XPOT: variants seen among roughly 807,000 people sequenced by gnomAD.
XPOT encodes exportin-T.
In XPOT, 34 loss-of-function variants were observed where a neutral mutation model predicts 128.2. The observed-to-expected ratio is 0.27, with a 90% confidence interval of 0.20 to 0.35. The LOEUF (loss-of-function observed/expected upper bound fraction) is 0.35, where lower values mean the gene tolerates loss of function less well. Ranked by LOEUF, XPOT falls within the 10% of genes least tolerant of loss-of-function variation. The pLI, the probability that XPOT is intolerant of heterozygous loss-of-function variation, is 1.00. For missense variants in XPOT, 838 were observed against 1,125.3 expected, an observed-to-expected ratio of 0.74 and a Z score of 3.65; for synonymous variants, 348 against 394.3, an observed-to-expected ratio of 0.88 and a Z score of 1.39.
chr12:64,423,163 T>C lies in XPOT; in HGVS notation c.1120-19T>C. 6.2e-7 allele frequency: 1 copy of C among 1,600,026 alleles called. No individual in the cohort carries two copies. The highest frequency in any genetic ancestry group is 1.1e-5 in the South Asian group (1 of 87,730). On this transcript the variant is annotated intron_variant, in intron 10 of 24. Coordinates refer to ENST00000332707, the MANE Select transcript of XPOT (RefSeq NM_007235.6). ...AAGGAGACTGACAAAAACTCTTTTA[T>C]TCTCAATTTTATTCTTAGGCAATCA... is the stretch of plus-strand genomic sequence containing the variant.
At chr12:64,421,874 G>A (rs766160865) in intron 9 of XPOT, among the ~76,000 whole-genome samples, 10 of 151,930 alleles carry the variant, frequency 6.6e-5, no homozygotes, top group Admixed American at 2.6e-4. Flanking sequence ...GTGCAATGGC[G>A]TGATGTCAGC....
chr12:64,444,577 C>T (rs1392290921), intron 23 of XPOT, among the ~76,000 whole-genome samples: 2 of 152,054 alleles, frequency 1.3e-5, no homozygotes, highest in Non-Finnish European at 2.9e-5. Context: ...TCTATGATTC[C>T]ATTTGTTTGA....
intron 1 of XPOT, chr12:64,405,118 G>A (rs1940461836): frequency 6.6e-6 from 1 of 152,274 alleles, no homozygotes; most frequent in African/African-American, 2.4e-5. Flanking sequence ...GCAGAGGAGG[G>A]TCGGCATCGC....
chr12:64,408,959 C>A (rs2040009779), intron 1 of XPOT, among the ~76,000 whole-genome samples: 1 of 152,154 alleles, frequency 6.6e-6, no homozygotes, highest in Non-Finnish European at 1.5e-5. Flanking sequence ...CGGTGTGAGC[C>A]ACTGTAGCTG....
intron 19 of XPOT, among the ~76,000 whole-genome samples, chr12:64,434,262 C>T (rs949413442): frequency 3.9e-5 from 6 of 152,118 alleles, no homozygotes; most frequent in Non-Finnish European, 8.8e-5. Context: ...TTACAAAGGG[C>T]TGGAATTACA....
chr12:64,425,276 T>C, intron 13 of XPOT, 62 bp from the exon 14 acceptor site: 1 of 1,610,068 alleles, frequency 6.2e-7, no homozygotes, highest in Non-Finnish European at 8.5e-7. Flanking sequence ...TATATGTTAA[T>C]ACCGGGGCAT....
chr12:64,427,954 G>T, intron 15 of XPOT, 97 bp from the exon 16 acceptor site: 1 of 791,814 alleles, frequency 1.3e-6, no homozygotes. Flanking sequence ...GCCTACAACT[G>T]AACTTTTTTT....
At position 64,404,613 on chromosome 12, in the gene XPOT, G is replaced by A. The variant is rs950405410; in HGVS notation, c.-266G>A. On this transcript the variant is annotated 5_prime_UTR_variant, in exon 1 of 25. Transcript: ENST00000332707. ...GGCGCCACGCAAGAGAAGGTGCCAG[G>A]GGACGCAGAGCGACTAGAGGCGCGC... 6.5e-6 allele frequency: 1 copy of A among 153,090 alleles called. No individual in the cohort carries two copies. Among genetic ancestry groups the A allele is most frequent in the Non-Finnish European group, 1.5e-5 (1 of 68,294 alleles). 9.5% of individuals were successfully genotyped at this position (153,090 alleles called of 1,614,324 possible).
At chr12:64,423,510 G>T (rs1353853494) in intron 11 of XPOT, among the ~76,000 whole-genome samples, 1 of 152,042 alleles carries the variant, frequency 6.6e-6, no homozygotes, top group Non-Finnish European at 1.5e-5. Context: ...CTGGAGTGCA[G>T]TGGTGCCATC....
chr12:64,427,980 G>T (rs1443019828), intron 15 of XPOT, 71 bp from the exon 16 acceptor site: 4 of 1,020,386 alleles, frequency 3.9e-6, no homozygotes, highest in Non-Finnish European at 6.0e-6. Flanking sequence ...CTGTCTTAAA[G>T]GGGGAATTTG....
intron 2 of XPOT, among the ~76,000 whole-genome samples, chr12:64,412,264 ATC>A (rs1355739598): frequency 2.0e-5 from 3 of 152,000 alleles, no homozygotes; most frequent in East Asian, 3.9e-4. Context: ...TGACCTTGTG[ATC>A]TCCCTGCCTC....
At chr12:64,430,553 G>T (rs61931553) in intron 17 of XPOT, among the ~76,000 whole-genome samples, 63,809 of 151,902 alleles carry the variant, frequency 0.42, 15,939 homozygotes, top group Non-Finnish European at 0.56. Context: ...AGGATCAGCT[G>T]AAGTGTTAAT....
intron 22 of XPOT, among the ~76,000 whole-genome samples, chr12:64,436,462 G>A (rs2136033875): frequency 6.6e-6 from 1 of 151,432 alleles, no homozygotes; most frequent in African/African-American, 2.4e-5. Flanking sequence ...ATTTCACCAT[G>A]TTGGCCAGGC....
chr12:64,435,259 T>C (rs1357751635), intron 21 of XPOT, among the ~76,000 whole-genome samples: 2 of 152,200 alleles, frequency 1.3e-5, no homozygotes, highest in Admixed American at 1.3e-4. Flanking sequence ...TCCCTAATCA[T>C]TAAGAGCATG....
intron 2 of XPOT, among the ~76,000 whole-genome samples, chr12:64,412,472 G>A (rs560675686): frequency 6.6e-6 from 1 of 152,296 alleles, no homozygotes; most frequent in Non-Finnish European, 1.5e-5. Context: ...CAACATACAT[G>A]ATTAACTTCT....
rs749879025 is a variant in XPOT at position 64,433,512 on chromosome 12, T to A, written c.2361T>A (p.Ala787=). 1 of 1,613,294 alleles carries A rather than the reference T, an allele frequency of 6.2e-7. No individual in the cohort carries two copies. Among genetic ancestry groups the A allele is most frequent in the Admixed American group, 1.7e-5 (1 of 59,932 alleles). The change falls in exon 19 of 25, where the codon GCT becomes GCA. Residue 787 remains alanine (A), a synonymous_variant. Coordinates refer to ENST00000332707, the MANE Select transcript of XPOT (RefSeq NM_007235.6). ...LRPAEENDQS[A]ALEKQMLRRS... ...CAGCAGAAGAAAATGACCAGTCTGC[T>A]GCTTTAGAGAAGCAGATGTTGCGGA... is the stretch of plus-strand genomic sequence containing the variant.
intron 9 of XPOT, among the ~76,000 whole-genome samples, chr12:64,422,406 T>C (rs1483136804): frequency 6.6e-6 from 1 of 152,250 alleles, no homozygotes. Flanking sequence ...AATTCCATTG[T>C]ATATCTCTTA....
intron 17 of XPOT, 133 bp from the exon 18 acceptor site, chr12:64,431,405 T>G (rs1030907764): frequency 2.3e-5 from 19 of 827,348 alleles, no homozygotes; most frequent in Middle Eastern, 3.3e-4. Context: ...TGGAAGTAAT[T>G]GTGATGTGGA....
At chr12:64,407,458 C>T (rs1049984856) in intron 1 of XPOT, among the ~76,000 whole-genome samples, 3 of 150,846 alleles carry the variant, frequency 2.0e-5, no homozygotes, top group Admixed American at 6.6e-5. Flanking sequence ...TGCACTCCAC[C>T]CTGGGCAACA....
Sources: allele counts gnomAD v4.1 joint callset (sites outside exome capture counted in the v4.1 genomes callset), GRCh38; gene constraint gnomAD v4.1.1; transcripts MANE v1.5; gene names NCBI Gene and HGNC (gene_info 2026-07-23, HGNC 2026-07-21).